CEP97: variants seen among roughly 807,000 people sequenced by gnomAD.
CEP97 encodes centrosomal protein 97, also known as centrosomal protein of 97 kDa.
In CEP97, 43 loss-of-function variants were observed where a neutral mutation model predicts 73.1. That is an observed-to-expected ratio of 0.59 (90% CI 0.46 to 0.76). The LOEUF (loss-of-function observed/expected upper bound fraction) is 0.76. Among genes scored for constraint, CEP97 ranks in the 30% least tolerant of loss-of-function variants. The pLI, the probability that CEP97 is intolerant of heterozygous loss-of-function variation, is 0.00. For synonymous variants in CEP97, 337 were observed against 370.0 expected, an observed-to-expected ratio of 0.91 and a Z score of 1.02; for missense variants, 939 against 1,014.0, an observed-to-expected ratio of 0.93 and a Z score of 1.00.
intron 6 of CEP97, among the ~76,000 whole-genome samples, chr3:101,746,310 G>A (rs1271935701): frequency 6.6e-6 from 1 of 152,026 alleles, no homozygotes; most frequent in Non-Finnish European, 1.5e-5. Context: ...AAACAGCATG[G>A]TACTGATACC....
intron 6 of CEP97, among the ~76,000 whole-genome samples, chr3:101,752,513 C>G (rs1938865521): frequency 6.6e-6 from 1 of 152,202 alleles, no homozygotes; most frequent in African/African-American, 2.4e-5. Flanking sequence ...TCCATTCTCC[C>G]TGTCACTTTC....
intron 10 of CEP97, among the ~76,000 whole-genome samples, chr3:101,764,145 G>A (rs1939244132): frequency 6.6e-6 from 1 of 152,142 alleles, no homozygotes; most frequent in Non-Finnish European, 1.5e-5. Context: ...CTTCATGACT[G>A]CTGGAAAAAA....
intron 10 of CEP97, among the ~76,000 whole-genome samples, chr3:101,764,492 TC>T (rs1939255424): frequency 6.6e-6 from 1 of 151,884 alleles, no homozygotes; most frequent in African/African-American, 2.4e-5. Flanking sequence ...GTGCCTGTAA[TC>T]CCAGCTACTT....
At chr3:101,737,341 A>G (rs913666390) in intron 6 of CEP97, among the ~76,000 whole-genome samples, 1 of 152,196 alleles carries the variant, frequency 6.6e-6, no homozygotes, top group African/African-American at 2.4e-5. Flanking sequence ...AAATAAAGAG[A>G]ACACCACAAA....
intron 6 of CEP97, among the ~76,000 whole-genome samples, chr3:101,752,855 C>T (rs903442741): frequency 8.5e-5 from 13 of 152,238 alleles, no homozygotes; most frequent in South Asian, 4.1e-4. Context: ...TCCTGTAGCT[C>T]GGAGTAGTTT....
rs539886772 is a variant in CEP97, at chr3:101,736,078, C to T, written c.728+3424C>T. 2.2e-4 allele frequency among the ~76,000 whole-genome samples: 34 copies of T among 152,312 alleles called. 1 individual carries two copies. The highest frequency in any genetic ancestry group is 6.7e-4 in the African/African-American group (28 of 41,568). On this transcript the variant is annotated intron_variant, in intron 6 of 10. Transcript: ENST00000341893. ...CCCTCACAGTGTAAACAAAATCTCC[C>T]GCAAGTTCAAACTGGGCAGAGCCCA...
chr3:101,732,659 A>G lies in CEP97; in HGVS notation c.728+5A>G. Reference sequence around the variant, plus strand: ...TGTGATTTCTCAGAAGGAAAGGTAAACATGTGCTCTTTAACATCACAAATG... The same window carrying G: ...TGTGATTTCTCAGAAGGAAAGGTAAGCATGTGCTCTTTAACATCACAAATG... On this transcript the variant is annotated splice_donor_5th_base_variant and intron_variant, in intron 6 of 10. Transcript: ENST00000341893. 6.3e-7 allele frequency: 1 copy of G among 1,597,336 alleles called. No homozygotes were observed. Among genetic ancestry groups the G allele is most frequent in the African/African-American group, 1.3e-5 (1 of 74,664 alleles).
intron 6 of CEP97, among the ~76,000 whole-genome samples, chr3:101,752,743 A>G (rs1447886978): frequency 2.0e-5 from 3 of 152,134 alleles, no homozygotes; most frequent in African/African-American, 4.8e-5. Context: ...TTTCAGCTCC[A>G]TCAGCTCCTT....
chr3:101,739,464 T>G (rs1202799983), intron 6 of CEP97, among the ~76,000 whole-genome samples: 1 of 152,174 alleles, frequency 6.6e-6, no homozygotes, highest in Non-Finnish European at 1.5e-5. Flanking sequence ...ATCAAAAAGC[T>G]TATCCACCAC....
intron 7 of CEP97, among the ~76,000 whole-genome samples, chr3:101,756,039 T>C (rs1269201324): frequency 1.3e-5 from 2 of 151,958 alleles, no homozygotes; most frequent in Non-Finnish European, 2.9e-5. Flanking sequence ...GGAAACGGGA[T>C]AGGATTTTTA....
chr3:101,762,998 T>C, intron 10 of CEP97: 2 of 1,098,556 alleles, frequency 1.8e-6, no homozygotes, highest in Non-Finnish European at 2.3e-6. Flanking sequence ...TAGCACACTT[T>C]AGGGACAGTT....
chr3:101,729,752 T>G (rs752536013), intron 4 of CEP97, among the ~76,000 whole-genome samples: 3 of 151,862 alleles, frequency 2.0e-5, no homozygotes, highest in Non-Finnish European at 4.4e-5. Flanking sequence ...TTTGAGTGTT[T>G]GTAGAGATGA....
chr3:101,755,323 T>TA, intron 6 of CEP97, 107 bp from the exon 7 acceptor site: 1 of 921,560 alleles, frequency 1.1e-6, no homozygotes. Context: ...ATGAAAAACA[T>TA]ACAATGGTGC....
chr3:101,754,040 A>G (rs556767133), intron 6 of CEP97, among the ~76,000 whole-genome samples: 1 of 86,262 alleles, frequency 1.2e-5, no homozygotes, highest in Non-Finnish European at 2.2e-5. Flanking sequence ...CTATTTGGCC[A>G]TCTTTTTTTT....
intron 6 of CEP97, among the ~76,000 whole-genome samples, chr3:101,747,274 T>G (rs969617485): frequency 6.6e-6 from 1 of 151,396 alleles, no homozygotes; most frequent in Non-Finnish European, 1.5e-5. Context: ...TTTTTTTTTT[T>G]TTTGAGACGG....
At chr3:101,731,541 GA>G (rs1349822426) in intron 4 of CEP97, among the ~76,000 whole-genome samples, 1 of 152,142 alleles carries the variant, frequency 6.6e-6, no homozygotes, top group East Asian at 1.9e-4. Flanking sequence ...AAGTGTGTTA[GA>G]AATTGCTCAG....
At chr3:101,756,011 G>T (rs1211762874) in intron 7 of CEP97, among the ~76,000 whole-genome samples, 2 of 151,720 alleles carry the variant, frequency 1.3e-5, no homozygotes, top group African/African-American at 4.8e-5. Context: ...AGGATAATAG[G>T]TATGAGCTAC....
At position 101,728,874 on chromosome 3, in the gene CEP97, T is replaced by C. The variant is rs1576675312; in HGVS notation, c.384T>C (p.His128=). 1 of 1,608,964 alleles carries C rather than the reference T, an allele frequency of 6.2e-7. No homozygotes were observed. Among genetic ancestry groups the C allele is most frequent in the Non-Finnish European group, 8.5e-7 (1 of 1,175,252 alleles). Residue 128 remains histidine (H), a synonymous_variant, in exon 4 of 11, where the codon CAT becomes CAC. Transcript: ENST00000341893. The part of the protein sequence containing the change: ...EQINSCTALQ[H]LDLSDNNISQ... ...TCAATAGCTGCACAGCTCTACAGCA[T>C]CTCGATTTATCAGACAATAATATAT... is the stretch of plus-strand genomic sequence containing the variant.
chr3:101,759,270 G>A (rs563055144), intron 9 of CEP97: 1 of 152,374 alleles, frequency 6.6e-6, no homozygotes, highest in Admixed American at 6.5e-5. Context: ...GCCTAGGGCA[G>A]AGTCTAGGAG....
Sources: allele counts gnomAD v4.1 joint callset (sites outside exome capture counted in the v4.1 genomes callset), GRCh38; gene constraint gnomAD v4.1.1; transcripts MANE v1.5; gene names NCBI Gene and HGNC (gene_info 2026-07-23, HGNC 2026-07-21).